Variants in TG observed in about 807,000 individuals in gnomAD.
TG encodes thyroglobulin, also known as thyroid hormones.
A neutral mutation model predicts 324.7 loss-of-function variants in TG; 270 were observed. The ratio of observed to expected loss-of-function variants is 0.83; its 90% CI spans 0.75 to 0.92. TG has a LOEUF of 0.92. Among genes scored for constraint, TG ranks in the 40% least tolerant of loss-of-function variants. The pLI is 0.00. For synonymous variants in TG, 1,401 were observed against 1,327.0 expected (o/e 1.06, Z -1.21); for missense variants, 3,591 against 3,456.4 (o/e 1.04, Z -0.98).
intron 41 of TG, among the ~76,000 whole-genome samples, chr8:133,038,941 A>G (rs954670978): frequency 1.3e-5 from 2 of 152,148 alleles, no homozygotes; most frequent in Non-Finnish European, 2.9e-5. Flanking sequence ...GCAGTGGTGC[A>G]ATCTCTGCTC....
chr8:132,896,978 G>A (rs776046672), intron 11 of TG, among the ~76,000 whole-genome samples: 2 of 152,152 alleles, frequency 1.3e-5, no homozygotes, highest in East Asian at 1.9e-4. Context: ...AACCTCCCTC[G>A]CTGAGCCTCT....
Position 132,888,343 on chromosome 8 carries a change from C to G in TG, c.2536C>G (p.Pro846Ala). Residue 846 changes from proline (P) to alanine (A), a missense_variant, in exon 10 of 48, where the codon CCA becomes GCA. By Grantham distance (27) the Pro-to-Ala change is conservative (BLOSUM62 -1). Transcript: ENST00000220616. ...LSQYPSLQDV[P>A]LAALEGKRPQ... ...ACAATACCCTTCTCTGCAAGATGTC[C>G]CACTAGCAGCACTGGAAGGGAAACG... 1 of 1,614,174 alleles carries G rather than the reference C, an allele frequency of 6.2e-7. No individual in the cohort carries two copies. Among genetic ancestry groups the G allele is most frequent in the African/African-American group, 1.3e-5 (1 of 75,034 alleles).
intron 21 of TG, 121 bp downstream of exon 21, chr8:132,919,646 C>A: frequency 2.1e-6 from 3 of 1,415,342 alleles, no homozygotes; most frequent in Non-Finnish European, 2.9e-6. Flanking sequence ...GCAGGGTTGG[C>A]CTGTGCTTGG....
At chr8:132,990,040 T>G (rs1460467346) in intron 35 of TG, among the ~76,000 whole-genome samples, 1 of 151,964 alleles carries the variant, frequency 6.6e-6, no homozygotes. Context: ...GTAGAGTGGG[T>G]GTTCAAGAAA....
chr8:133,064,719 T>A (rs1473501489), intron 41 of TG, among the ~76,000 whole-genome samples: 1 of 152,224 alleles, frequency 6.6e-6, no homozygotes, highest in Non-Finnish European at 1.5e-5. Flanking sequence ...GGTTTCTGTT[T>A]CGCAGATCTG....
At chr8:133,030,413 T>TGAG (rs1355121394) in intron 41 of TG, among the ~76,000 whole-genome samples, 3 of 152,128 alleles carry the variant, frequency 2.0e-5, no homozygotes, top group Non-Finnish European at 4.4e-5. Flanking sequence ...ATGATGGTGA[T>TGAG]GAGGAGGAGG....
intron 41 of TG, chr8:133,047,194 G>C (rs1027265745): frequency 1.3e-5 from 2 of 152,342 alleles, no homozygotes; most frequent in Non-Finnish European, 2.9e-5. Flanking sequence ...TCATGACAAA[G>C]AGCTCACTCT....
chr8:133,133,172 G>A (rs546528430), intron 46 of TG, among the ~76,000 whole-genome samples: 62 of 152,320 alleles, frequency 4.1e-4, no homozygotes, highest in African/African-American at 1.4e-3. Context: ...GAAGAGCACA[G>A]TGATCTCCTG....
intron 35 of TG, among the ~76,000 whole-genome samples, chr8:132,997,458 A>G (rs1245410888): frequency 6.6e-6 from 1 of 152,158 alleles, no homozygotes; most frequent in African/African-American, 2.4e-5. Flanking sequence ...GAGCACACCC[A>G]TGGAGAATGT....
chr8:133,000,845 T>G (rs1461806264), intron 35 of TG, among the ~76,000 whole-genome samples: 3 of 152,190 alleles, frequency 2.0e-5, no homozygotes, highest in Non-Finnish European at 2.9e-5. Flanking sequence ...GTTACTTGGC[T>G]GCAGCTGCCA....
rs569893798 is a variant in TG at position 132,920,789 on chromosome 8, A to G, written c.4528+1264A>G. On this transcript the variant is annotated intron_variant, in intron 21 of 47. Coordinates refer to ENST00000220616, the MANE Select transcript of TG (RefSeq NM_003235.5). ...CTTACTGGCACTGTGACCTAGACAAAGCTACCTTCCTCTTCTGAATGTCAG... is the reference window on the plus strand; with the variant it reads ...CTTACTGGCACTGTGACCTAGACAAGGCTACCTTCCTCTTCTGAATGTCAG... Among the ~76,000 whole-genome samples the G allele has an allele frequency of 9.2e-5, 14 of 152,344 alleles. No homozygotes were observed. The South Asian group carries it at 2.9e-3, about 32-fold the overall frequency.
intron 30 of TG, among the ~76,000 whole-genome samples, chr8:132,967,174 CATCCATGT>C (rs1181976891): frequency 7.9e-5 from 12 of 150,976 alleles, no homozygotes; most frequent in South Asian, 2.1e-4. Context: ...ACCATCCATC[CATCCATGT>C]ATCCATGTAT....
intron 3 of TG, among the ~76,000 whole-genome samples, chr8:132,871,114 G>A (rs879354011): frequency 1.4e-4 from 21 of 152,216 alleles, no homozygotes; most frequent in Middle Eastern, 6.8e-3. Flanking sequence ...CCACAGGACC[G>A]TGCTCTGGGG....
At chr8:132,915,918 C>T (rs1344128439) in intron 20 of TG, among the ~76,000 whole-genome samples, 1 of 152,236 alleles carries the variant, frequency 6.6e-6, no homozygotes, top group African/African-American at 2.4e-5. Flanking sequence ...ATGGAAGTCT[C>T]AAAAGCAGTA....
At chr8:133,068,553 T>C (rs1284927174) in intron 41 of TG, among the ~76,000 whole-genome samples, 1 of 152,204 alleles carries the variant, frequency 6.6e-6, no homozygotes, top group Non-Finnish European at 1.5e-5. Context: ...TTAATGAACA[T>C]AGTCATATGT....
chr8:132,919,309 T>G (rs1480407410), intron 20 of TG, 67 bp from the exon 21 acceptor site: 1 of 1,530,670 alleles, frequency 6.5e-7, no homozygotes, highest in Non-Finnish European at 8.9e-7. Flanking sequence ...TTACCCTGTG[T>G]GTTCTGGGAT....
In TG at chr8:133,134,813, A is replaced by G; in HGVS notation, c.*19A>G. 6.2e-7 allele frequency: 1 copy of G among 1,603,912 alleles called. No individual in the cohort carries two copies. Among genetic ancestry groups the G allele is most frequent in the South Asian group, 1.1e-5 (1 of 90,840 alleles). ...CAAGTGACCAGCCCTTGAGCTCCCC[A>G]AAAACCTCACCCGAGGCTGCCCACT... On this transcript the variant is annotated 3_prime_UTR_variant, in exon 48 of 48. Coordinates refer to ENST00000220616, the MANE Select transcript of TG (RefSeq NM_003235.5).
At chr8:133,127,714 G>GA (rs1329261813) in intron 45 of TG, among the ~76,000 whole-genome samples, 1 of 152,116 alleles carries the variant, frequency 6.6e-6, no homozygotes, top group African/African-American at 2.4e-5. Context: ...TTCTGGACTA[G>GA]AAAAAGTTCC....
chr8:132,871,124 G>A (rs938086725), intron 3 of TG, among the ~76,000 whole-genome samples: 1 of 152,104 alleles, frequency 6.6e-6, no homozygotes, highest in Non-Finnish European at 1.5e-5. Flanking sequence ...GTGCTCTGGG[G>A]TACCTGACTG....
Sources: gnomAD v4.1 joint callset for allele counts (sites outside exome capture counted in the v4.1 genomes callset) on GRCh38, gnomAD v4.1.1 for gene constraint, MANE v1.5 for transcripts, NCBI Gene and HGNC (gene_info 2026-07-23, HGNC 2026-07-21) for gene names.